STIM2: variants seen among roughly 807,000 people sequenced by gnomAD.
The protein encoded by STIM2 is stromal interaction molecule 2.
A neutral mutation model predicts 85.8 loss-of-function variants in STIM2; 31 were observed. The observed-to-expected ratio is 0.36, with a 90% CI of 0.27 to 0.49. The LOEUF is 0.49. Ranked by LOEUF, STIM2 falls within the 20% of genes least tolerant of loss-of-function variation. STIM2 has a pLI of 0.98. For synonymous variants in STIM2, 356 were observed against 331.1 expected, an observed-to-expected ratio of 1.08 and a Z score of -0.82; for missense variants, 841 against 927.6, an observed-to-expected ratio of 0.91 and a Z score of 1.21.
chr4:26,866,345 A>G (rs1722409607), intron 1 of STIM2, among the ~76,000 whole-genome samples: 1 of 152,130 alleles, frequency 6.6e-6, no homozygotes, highest in Non-Finnish European at 1.5e-5. Context: ...CAAAGCTTGG[A>G]TTCTTAGCTG....
intron 2 of STIM2, among the ~76,000 whole-genome samples, chr4:26,930,266 C>A (rs1190564089): frequency 6.6e-6 from 1 of 152,104 alleles, no homozygotes; most frequent in Non-Finnish European, 1.5e-5. Flanking sequence ...TTGCCCTGAG[C>A]ACAGCAGTGG....
rs543625599 is a variant in STIM2, at chr4:26,972,494, T to C, written c.397+14768T>C. 2.0e-5 allele frequency among the ~76,000 whole-genome samples: 3 copies of C among 152,342 alleles called. No individual in the cohort carries two copies. The East Asian group carries it at 5.8e-4, about 29-fold the overall frequency. On this transcript the variant is annotated intron_variant, in intron 3 of 11. Transcript: ENST00000467087. The stretch of plus-strand genomic sequence containing the variant: ...AAGCCCTTTTCTTCATCTGTTGAGA[T>C]AATCATGTGGTTTTTATCTTTGGTT...
chr4:26,943,749 T>C (rs1725708527), intron 2 of STIM2, among the ~76,000 whole-genome samples: 1 of 152,162 alleles, frequency 6.6e-6, no homozygotes, highest in Non-Finnish European at 1.5e-5. Flanking sequence ...AAAGATAATA[T>C]ACACTATGAA....
At chr4:26,933,733 C>CAAAAAAA (rs771503772) in intron 2 of STIM2, among the ~76,000 whole-genome samples, 7 of 47,684 alleles carry the variant, frequency 1.5e-4, no homozygotes, top group African/African-American at 2.1e-4. Flanking sequence ...GACCTGATCT[C>CAAAAAAA]AAAAAAAAAA....
intron 1 of STIM2, among the ~76,000 whole-genome samples, chr4:26,916,228 T>C (rs1403305670): frequency 6.6e-6 from 1 of 152,202 alleles, no homozygotes; most frequent in Admixed American, 6.5e-5. Context: ...CTAAATTAGA[T>C]TTGTAAAAGC....
Position 27,022,820 on chromosome 4 carries a change from C to T in STIM2, c.2065C>T (p.Pro689Ser), listed in dbSNP as rs370990239. 1.2e-6 allele frequency: 2 copies of T among 1,614,022 alleles called. No homozygotes were observed. The highest frequency in any genetic ancestry group is 2.7e-5 in the African/African-American group (2 of 74,906). Residue 689 changes from proline to serine, a missense_variant, in exon 12 of 12, where the codon CCG (proline) becomes TCG (serine). By Grantham distance (74) the Pro-to-Ser change is moderately conservative. Around this residue, in one of 3 missense-constraint regions of STIM2, gnomAD observed 293 missense variants for 284.5 expected, o/e 1.03. Transcript: ENST00000467087. ...CATGAACCAGCTTTCCAGTGGCATCCCGGTGCCTAAACCTCGCCACACATC... is the reference window on the plus strand; with the variant it reads ...CATGAACCAGCTTTCCAGTGGCATCTCGGTGCCTAAACCTCGCCACACATC...
chr4:26,931,761 C>T (rs1402251332), intron 2 of STIM2, among the ~76,000 whole-genome samples: 1 of 152,088 alleles, frequency 6.6e-6, no homozygotes, highest in Non-Finnish European at 1.5e-5. Flanking sequence ...GAGGTACTTT[C>T]CTATATACTG....
At chr4:26,890,351 C>G (rs993803102) in intron 1 of STIM2, among the ~76,000 whole-genome samples, 1 of 152,138 alleles carries the variant, frequency 6.6e-6, no homozygotes, top group Admixed American at 6.5e-5. Flanking sequence ...CCTGCTTGAT[C>G]TTGATCTGTC....
intron 2 of STIM2, among the ~76,000 whole-genome samples, chr4:26,953,115 T>C (rs1404482002): frequency 2.6e-5 from 4 of 152,148 alleles, no homozygotes; most frequent in African/African-American, 9.7e-5. Flanking sequence ...AAGTCTCTGC[T>C]TACATTGTCA....
intron 1 of STIM2, among the ~76,000 whole-genome samples, chr4:26,869,418 G>A (rs539776179): frequency 2.0e-5 from 3 of 152,184 alleles, no homozygotes; most frequent in African/African-American, 7.2e-5. Context: ...TGGTGAATAT[G>A]TCTGTGTGTG....
chr4:26,982,125 T>A (rs1727420162), intron 3 of STIM2, among the ~76,000 whole-genome samples: 1 of 152,166 alleles, frequency 6.6e-6, no homozygotes. Context: ...TCATTCCTTC[T>A]ACTTACTAGT....
chr4:27,007,648 A>G lies in STIM2; in HGVS notation c.1097A>G (p.Tyr366Cys). The change falls in exon 8 of 12, where the codon TAC becomes TGC. Residue 366 changes from tyrosine to cysteine, a missense_variant. Physicochemically the swap from Tyr to Cys is radical, Grantham distance 194. Transcript: ENST00000467087. ...ACACATGAAGTAGAAGTGCAATACT[A>G]CAATATTAAAAGACAAAACGCTGAA... 1 of 1,603,196 alleles carries G rather than the reference A, an allele frequency of 6.2e-7. No individual in the cohort carries two copies. Among genetic ancestry groups the G allele is most frequent in the Non-Finnish European group, 8.5e-7 (1 of 1,175,608 alleles).
intron 3 of STIM2, among the ~76,000 whole-genome samples, chr4:26,959,881 C>G (rs1726385162): frequency 6.6e-6 from 1 of 152,040 alleles, no homozygotes; most frequent in Admixed American, 6.6e-5. Flanking sequence ...TTCTCTAAGC[C>G]CCAGTTGGCT....
intron 3 of STIM2, among the ~76,000 whole-genome samples, chr4:26,984,995 G>A (rs1000205020): frequency 3.6e-4 from 55 of 152,164 alleles, no homozygotes; most frequent in African/African-American, 1.3e-3. Flanking sequence ...CAAGTTCAGG[G>A]TGTTGCTTTA....
chr4:27,011,075 ATAAACT>A (rs2109139110), intron 10 of STIM2, among the ~76,000 whole-genome samples: 1 of 152,312 alleles, frequency 6.6e-6, no homozygotes, highest in Non-Finnish European at 1.5e-5. Flanking sequence ...TTTCTCTGAA[ATAAACT>A]ATTACAAATA....
At chr4:26,997,218 C>T (rs995756173) in intron 4 of STIM2, among the ~76,000 whole-genome samples, 26 of 152,172 alleles carry the variant, frequency 1.7e-4, no homozygotes, top group African/African-American at 6.3e-4. Flanking sequence ...TATCTGTAGA[C>T]ATAAGAACTA....
At chr4:26,988,295 A>G (rs552387922) in intron 3 of STIM2, among the ~76,000 whole-genome samples, 67 of 152,320 alleles carry the variant, frequency 4.4e-4, no homozygotes, top group Non-Finnish European at 4.9e-4. Flanking sequence ...GTGACCAAGG[A>G]GCACAAAGAA....
intron 1 of STIM2, among the ~76,000 whole-genome samples, chr4:26,917,719 G>A (rs866357263): frequency 1.3e-5 from 2 of 152,128 alleles, no homozygotes; most frequent in Non-Finnish European, 2.9e-5. Flanking sequence ...ACCAGAGTGA[G>A]AGATGCTGGC....
intron 4 of STIM2, among the ~76,000 whole-genome samples, chr4:26,998,747 C>G (rs888646878): frequency 8.6e-5 from 13 of 151,854 alleles, no homozygotes; most frequent in Admixed American, 6.6e-5. Flanking sequence ...CCCATCTCTA[C>G]TAAAAATACA....
Sources: allele counts gnomAD v4.1 joint callset (sites outside exome capture counted in the v4.1 genomes callset), GRCh38; gene constraint gnomAD v4.1.1; regional missense constraint gnomAD v4.1.1; transcripts MANE v1.5; gene names NCBI Gene and HGNC (gene_info 2026-07-23, HGNC 2026-07-21).